Variants in NCKIPSD observed in about 807,000 individuals in gnomAD.
The protein encoded by NCKIPSD is NCK-interacting protein with SH3 domain.
Under a neutral mutation model 73.4 loss-of-function variants are expected in NCKIPSD, and 48 were observed. The observed-to-expected ratio is 0.65, with a 90% CI of 0.52 to 0.83. The LOEUF is 0.83. NCKIPSD is among the 40% of genes least tolerant of loss of function. NCKIPSD has a pLI of 0.00. For synonymous variants in NCKIPSD, 422 were observed against 403.6 expected (o/e 1.05, Z -0.54); for missense variants, 884 against 970.2 (o/e 0.91, Z 1.18).
intron 2 of NCKIPSD, 113 bp downstream of exon 2, chr3:48,682,790 C>T: frequency 2.8e-6 from 4 of 1,439,010 alleles, no homozygotes; most frequent in Non-Finnish European, 3.7e-6. Flanking sequence ...ATTCCCCCAC[C>T]ACCCTTGCCA....
intron 4 of NCKIPSD, 101 bp downstream of exon 4, chr3:48,681,944 C>T: frequency 6.7e-7 from 1 of 1,492,152 alleles, no homozygotes. Flanking sequence ...GAGTCCTGTC[C>T]TCTTCCCCAG....
In NCKIPSD at chr3:48,678,658, C is replaced by T; in HGVS notation, c.1871G>A (p.Ser624Asn). 1 of 1,614,218 alleles carries T rather than the reference C, an allele frequency of 6.2e-7. No individual in the cohort carries two copies. Among genetic ancestry groups the T allele is most frequent in the South Asian group, 1.1e-5 (1 of 91,084 alleles). ...VLKFLQDVFG[S>N]PATAAIFYHT... ...GTAGAAGATGGCAGCTGTGGCCGGG[C>T]TGCCAAACACGTCCTGCAGGAACTT... Residue 624 changes from serine (S) to asparagine (N), a missense_variant, in exon 12 of 13, where the codon AGC becomes AAC. Ser to Asn is a conservative substitution (Grantham distance 46, BLOSUM62 1). Coordinates refer to ENST00000294129, the MANE Select transcript of NCKIPSD (RefSeq NM_016453.4).
intron 12 of NCKIPSD, among the ~76,000 whole-genome samples, chr3:48,675,760 G>C (rs541343368): frequency 6.6e-6 from 1 of 151,768 alleles, no homozygotes; most frequent in South Asian, 2.1e-4. Flanking sequence ...TGGCCAGGCT[G>C]GTTTCAAACT....
In NCKIPSD at chr3:48,685,736, G is replaced by A. The variant is rs1221201265; in HGVS notation, c.72C>T (p.Phe24=). 6.5e-7 allele frequency: 1 copy of A among 1,534,950 alleles called. No homozygotes were observed. The change falls in exon 1 of 13, where the codon TTC becomes TTT. Residue 24 remains phenylalanine, a synonymous_variant. Transcript: ENST00000294129. ...GCGCGCTGCTTCGCTCTAGCACCAG[G>A]AAGGTCTCGCCCGCGGCGAACGCCA... ...NALAFAAGET[F]LVLERSSAHW... is the part of the protein sequence containing the mutation.
In NCKIPSD at chr3:48,682,170, G is replaced by T; in HGVS notation, c.487-14C>A. 1 of 1,593,272 alleles carries T rather than the reference G, an allele frequency of 6.3e-7. No homozygotes were observed. Among genetic ancestry groups the T allele is most frequent in the South Asian group, 1.1e-5 (1 of 89,998 alleles). Reference sequence around the variant, plus strand: ...TGGAAGTGGGATCTGGAAGATGGAAGTAGGATCTTGGAGGACAGACTGACA... The same window carrying T: ...TGGAAGTGGGATCTGGAAGATGGAATTAGGATCTTGGAGGACAGACTGACA... On this transcript the variant is annotated splice_polypyrimidine_tract_variant and intron_variant, in intron 3 of 12. Transcript: ENST00000294129.
intron 12 of NCKIPSD, among the ~76,000 whole-genome samples, chr3:48,675,511 TATATATATATATATATG>T (rs1220300435): frequency 5.6e-4 from 47 of 83,762 alleles, no homozygotes; most frequent in African/African-American, 3.0e-3. Context: ...ATATATATCA[TATATATATATATATATG>T]ATATATATAT....
intron 2 of NCKIPSD, 104 bp from the exon 3 acceptor site, chr3:48,682,656 C>T: frequency 7.6e-7 from 1 of 1,322,452 alleles, no homozygotes; most frequent in Non-Finnish European, 1.1e-6. Flanking sequence ...GCCCCTCAGA[C>T]ATCCCCATCT....
rs556060624 is a variant in NCKIPSD at position 48,681,338 on chromosome 3, C to G, written c.1041G>C (p.Pro347=). ...IIVGHIQASV[P]ASSPVMEQVL... is the part of the protein sequence containing the mutation. ...CCTGCTCCATGACTGGTGAGCTGGC[C>G]GGCACCGAGGCCTGGATGTGACCCA... is the stretch of plus-strand genomic sequence containing the variant. Residue 347 remains proline (P), a synonymous_variant, in exon 5 of 13, where the codon CCG becomes CCC. Transcript: ENST00000294129. 1.9e-6 allele frequency: 3 copies of G among 1,610,406 alleles called. No individual in the cohort carries two copies.
At chr3:48,678,435 A>G in intron 12 of NCKIPSD, 129 bp downstream of exon 12, 1 of 1,226,792 alleles carries the variant, frequency 8.2e-7, no homozygotes, top group African/African-American at 1.5e-5. Context: ...TGCACCTATC[A>G]TGGCCTCCTA....
Position 48,679,717 on chromosome 3 carries a change from G to A in NCKIPSD, c.1351-4C>T. Reference sequence around the variant, plus strand: ...GCCGCAGTGATGCTCGGTGTTCCTGGCAGGGAACCCTGCGTGCTCAGTGCC... The same window carrying A: ...GCCGCAGTGATGCTCGGTGTTCCTGACAGGGAACCCTGCGTGCTCAGTGCC... On this transcript the variant is annotated splice_region_variant and splice_polypyrimidine_tract_variant and intron_variant, in intron 7 of 12. Transcript: ENST00000294129. The A allele has an allele frequency of 6.2e-7, 1 of 1,614,102 alleles. No homozygotes were observed. The highest frequency in any genetic ancestry group is 8.5e-7 in the Non-Finnish European group (1 of 1,179,986).
In NCKIPSD at chr3:48,685,624, G is replaced by C; in HGVS notation, c.171+13C>G. 2.6e-6 allele frequency: 4 copies of C among 1,517,616 alleles called. No homozygotes were observed. Among genetic ancestry groups the C allele is most frequent in the Non-Finnish European group, 3.5e-6 (4 of 1,139,082 alleles). 94.0% of individuals were successfully genotyped at this position (1,517,616 alleles called of 1,614,324 possible). A position where few individuals can be genotyped will look rare whatever the true frequency, so the allele number is the denominator to read the frequency against. On this transcript the variant is annotated intron_variant, in intron 1 of 12. Coordinates refer to ENST00000294129, the MANE Select transcript of NCKIPSD (RefSeq NM_016453.4). The stretch of plus-strand genomic sequence containing the variant: ...CAGGGGCGCGGAGGCCGGGCGGGAA[G>C]GGGCGCACTCACCTGCAGGCGGCGC...
intron 1 of NCKIPSD, among the ~76,000 whole-genome samples, chr3:48,683,241 C>G (rs1559496346): frequency 6.6e-6 from 1 of 152,208 alleles, no homozygotes; most frequent in Admixed American, 6.5e-5. Flanking sequence ...ATATTAGGTC[C>G]TGATCAGGAT....
Position 48,680,173 on chromosome 3 carries a change from C to T in NCKIPSD, c.1149G>A (p.Glu383=). 2 of 1,613,880 alleles carry T rather than the reference C, an allele frequency of 1.2e-6. No homozygotes were observed. The highest frequency in any genetic ancestry group is 1.7e-6 in the Non-Finnish European group (2 of 1,180,000). The change falls in exon 6 of 13, where the codon GAG becomes GAA. Residue 383 remains glutamate, a synonymous_variant. Transcript: ENST00000294129. ...GQVCHDQQRL[E]VIFADLARRK... ...GGCGAGCCAGGTCTGCAAAGATCAC[C>T]TCCAGCCTCTGCTGGTCGTGGCAGA...
chr3:48,685,622 A>C lies in NCKIPSD; in HGVS notation c.171+15T>G. 1 of 1,515,208 alleles carries C rather than the reference A, an allele frequency of 6.6e-7. No individual in the cohort carries two copies. Among genetic ancestry groups the C allele is most frequent in the Non-Finnish European group, 8.8e-7 (1 of 1,138,064 alleles). The allele number at this position is 1,515,208 out of a possible 1,614,324, so 93.9% of individuals were successfully genotyped here. Reference sequence around the variant, plus strand: ...CCCAGGGGCGCGGAGGCCGGGCGGGAAGGGGCGCACTCACCTGCAGGCGGC... The same window carrying C: ...CCCAGGGGCGCGGAGGCCGGGCGGGCAGGGGCGCACTCACCTGCAGGCGGC... On this transcript the variant is annotated intron_variant, in intron 1 of 12. Transcript: ENST00000294129.
chr3:48,682,717 C>G (rs775985228), intron 2 of NCKIPSD, among the ~76,000 whole-genome samples, 165 bp from the exon 3 acceptor site: 1 of 152,090 alleles, frequency 6.6e-6, no homozygotes, highest in East Asian at 1.9e-4. Context: ...CTCAGTCCTG[C>G]GCTCTGCACA....
intron 2 of NCKIPSD, 117 bp from the exon 3 acceptor site, chr3:48,682,669 TC>T: frequency 8.1e-7 from 1 of 1,234,220 alleles, no homozygotes; most frequent in Non-Finnish European, 1.1e-6. Flanking sequence ...CCCCATCTCC[TC>T]CATGCTCCAC....
At position 48,681,487 on chromosome 3, in the gene NCKIPSD, T is replaced by C. The variant is rs779767896; in HGVS notation, c.892A>G (p.Thr298Ala). The change falls in exon 5 of 13, where the codon ACA becomes GCA. Residue 298 changes from threonine to alanine, a missense_variant. Thr to Ala is a moderately conservative substitution (Grantham distance 58). Transcript: ENST00000294129. ...GCCTCAGCTGCTGCCTTCTCCTCTGTGGTCCCCAGGCTCAGTGTACCCAGG... is the reference window on the plus strand; with the variant it reads ...GCCTCAGCTGCTGCCTTCTCCTCTGCGGTCCCCAGGCTCAGTGTACCCAGG... ...EALGTLSLGT[T>A]EEKAAAEAAV... is the part of the protein sequence containing the mutation. The C allele has an allele frequency of 1.2e-6, 2 of 1,614,162 alleles. No individual in the cohort carries two copies. The highest frequency in any genetic ancestry group is 3.3e-5 in the Admixed American group (2 of 60,022).
At chr3:48,683,880 G>A (rs1351899333) in intron 1 of NCKIPSD, among the ~76,000 whole-genome samples, 3 of 151,992 alleles carry the variant, frequency 2.0e-5, no homozygotes, top group Admixed American at 6.6e-5. Context: ...TTCCCTGATG[G>A]GCACAGACAG....
chr3:48,684,946 G>A (rs2077411748), intron 1 of NCKIPSD, among the ~76,000 whole-genome samples: 1 of 151,964 alleles, frequency 6.6e-6, no homozygotes, highest in Non-Finnish European at 1.5e-5. Flanking sequence ...ATGGGTCCTT[G>A]GTTCAAATAA....
Sources: gnomAD v4.1 joint callset for allele counts (sites outside exome capture counted in the v4.1 genomes callset) on GRCh38, gnomAD v4.1.1 for gene constraint, MANE v1.5 for transcripts, NCBI Gene and HGNC (gene_info 2026-07-23, HGNC 2026-07-21) for gene names.